The following SLC9C1 variants were observed in gnomAD, a reference collection of about 807,000 sequenced individuals.
SLC9C1 encodes sodium/hydrogen exchanger 10.
Under a neutral mutation model 140.9 loss-of-function variants are expected in SLC9C1, and 97 were observed. The observed-to-expected ratio is 0.69, with a 90% CI of 0.58 to 0.82. SLC9C1 has a LOEUF of 0.82. Ranked by LOEUF, SLC9C1 falls within the 40% of genes least tolerant of loss-of-function variation. The pLI is 0.00. For missense variants in SLC9C1, 1,340 were observed against 1,389.3 expected (o/e 0.96, Z 0.56); for synonymous variants, 440 against 442.6 (o/e 0.99, Z 0.07).
At chr3:112,220,993 T>G in intron 14 of SLC9C1, 135 bp downstream of exon 14, 1 of 611,772 alleles carries the variant, frequency 1.6e-6, no homozygotes, top group Non-Finnish European at 2.7e-6. Context: ...AGCAGACAGC[T>G]CTGCTGTAAT....
intron 28 of SLC9C1, chr3:112,151,527 A>G (rs1455701316): frequency 1.9e-6 from 1 of 523,414 alleles, no homozygotes; most frequent in Admixed American, 1.9e-5. Context: ...GTCATAACTT[A>G]TCTTTTTATA....
chr3:112,186,060 T>C, intron 20 of SLC9C1: 1 of 1,168,666 alleles, frequency 8.6e-7, no homozygotes, highest in Non-Finnish European at 1.2e-6. Context: ...CACAGTGCAC[T>C]TTCAAATCTT....
intron 3 of SLC9C1, among the ~76,000 whole-genome samples, chr3:112,279,848 T>C (rs1420914713): frequency 2.0e-5 from 3 of 152,200 alleles, no homozygotes; most frequent in Non-Finnish European, 4.4e-5. Flanking sequence ...TTTTCTCTGG[T>C]CCAGGAGTCC....
intron 13 of SLC9C1, among the ~76,000 whole-genome samples, chr3:112,228,853 A>C (rs1308282908): frequency 6.6e-6 from 1 of 152,138 alleles, no homozygotes; most frequent in South Asian, 2.1e-4. Flanking sequence ...CCCTGGCTAG[A>C]ATACAATGTT....
At chr3:112,287,900 G>A (rs11929523) in intron 1 of SLC9C1, among the ~76,000 whole-genome samples, 13,079 of 151,904 alleles carry the variant, frequency 0.086, 656 homozygotes, top group East Asian at 0.21. Context: ...AAAATTAGCC[G>A]GGCATGGTGG....
At chr3:112,206,408 T>C (rs913313614) in intron 16 of SLC9C1, among the ~76,000 whole-genome samples, 2 of 152,136 alleles carry the variant, frequency 1.3e-5, no homozygotes, top group Non-Finnish European at 2.9e-5. Flanking sequence ...GAGTAGAAAC[T>C]AGTTCAACCA....
At chr3:112,269,749 A>G (rs2080020110) in intron 7 of SLC9C1, among the ~76,000 whole-genome samples, 167 bp downstream of exon 7, 1 of 152,068 alleles carries the variant, frequency 6.6e-6, no homozygotes, top group Admixed American at 6.6e-5. Flanking sequence ...TTTCTGTTGT[A>G]TAGATATTCA....
intron 15 of SLC9C1, among the ~76,000 whole-genome samples, chr3:112,217,071 T>G (rs1165429674): frequency 1.3e-5 from 2 of 152,262 alleles, no homozygotes; most frequent in Non-Finnish European, 1.5e-5. Flanking sequence ...TGGATGAAGC[T>G]GGAAACCATC....
At chr3:112,146,926 A>G (rs1358255289) in intron 28 of SLC9C1, among the ~76,000 whole-genome samples, 1 of 152,168 alleles carries the variant, frequency 6.6e-6, no homozygotes, top group African/African-American at 2.4e-5. Flanking sequence ...TTGTATGACT[A>G]TCTAAGCCTT....
Position 112,244,041 on chromosome 3 carries a change from G to C in SLC9C1, c.1233C>G (p.Thr411=). The C allele has an allele frequency of 6.2e-7, 1 of 1,604,422 alleles. No homozygotes were observed. The highest frequency in any genetic ancestry group is 8.5e-7 in the Non-Finnish European group (1 of 1,174,690). The part of the protein sequence containing the change: ...LFHGVLVCLI[T]LVVNRFILPV... ...GCAAAATAAATCTATTGACAACAAG[G>C]GTTATTAGGCATACTAACACTCCAT... is the stretch of plus-strand genomic sequence containing the variant. The change falls in exon 11 of 29, where the codon ACC becomes ACG. Residue 411 remains threonine, a synonymous_variant. Transcript: ENST00000305815.
intron 10 of SLC9C1, among the ~76,000 whole-genome samples, chr3:112,257,146 G>C (rs1054965024): frequency 6.6e-6 from 1 of 152,016 alleles, no homozygotes; most frequent in Non-Finnish European, 1.5e-5. Context: ...TTTACAAATT[G>C]AATGCTATTC....
At chr3:112,180,439 C>A (rs1004295764) in intron 22 of SLC9C1, 125 bp downstream of exon 22, 9 of 624,852 alleles carry the variant, frequency 1.4e-5, no homozygotes, top group Non-Finnish European at 2.4e-5. Flanking sequence ...AGGAGTATCA[C>A]TTGAACCCAG....
At chr3:112,157,005 G>A (rs998829182) in intron 26 of SLC9C1, among the ~76,000 whole-genome samples, 23 of 151,954 alleles carry the variant, frequency 1.5e-4, no homozygotes, top group Non-Finnish European at 2.4e-4. Context: ...TTCCTTTGTT[G>A]TGCAGAAGCT....
intron 11 of SLC9C1, among the ~76,000 whole-genome samples, chr3:112,242,057 GT>G (rs2079151328): frequency 6.6e-6 from 1 of 151,970 alleles, no homozygotes; most frequent in African/African-American, 2.4e-5. Flanking sequence ...TTTTGGCTAA[GT>G]CCCCAAAAAA....
chr3:112,284,460 G>A (rs139439621), intron 2 of SLC9C1, among the ~76,000 whole-genome samples: 55 of 152,322 alleles, frequency 3.6e-4, no homozygotes, highest in African/African-American at 1.2e-3. Flanking sequence ...AAGTCGGCAT[G>A]AATTGATGTT....
At position 112,143,265 on chromosome 3, in the gene SLC9C1, C is replaced by A. The variant is rs186969049; in HGVS notation, c.3525-1984G>T. ...TATATATATATATCTCCAGTAATGCCATTGCTGCATCAAATGGTAGTTCTG... is the reference window on the plus strand; with the variant it reads ...TATATATATATATCTCCAGTAATGCAATTGCTGCATCAAATGGTAGTTCTG... On this transcript the variant is annotated intron_variant, in intron 28 of 28. Transcript: ENST00000305815. Among the ~76,000 whole-genome samples, 980 of 151,974 alleles carry A rather than the reference C, an allele frequency of 6.4e-3. 8 individuals are homozygous for A. The highest frequency in any genetic ancestry group is 0.01 in the Middle Eastern group (3 of 294).
intron 7 of SLC9C1, among the ~76,000 whole-genome samples, chr3:112,268,767 A>C (rs890481846): frequency 3.3e-5 from 5 of 152,236 alleles, no homozygotes; most frequent in African/African-American, 1.2e-4. Context: ...AATTATTTTA[A>C]ATCATGGATG....
At chr3:112,145,142 G>A (rs2074748174) in intron 28 of SLC9C1, among the ~76,000 whole-genome samples, 1 of 152,212 alleles carries the variant, frequency 6.6e-6, no homozygotes, top group Admixed American at 6.5e-5. Flanking sequence ...TCAGTGCCTA[G>A]TCTGTTGAGG....
intron 1 of SLC9C1, among the ~76,000 whole-genome samples, chr3:112,291,888 C>A (rs572485440): frequency 9.2e-5 from 14 of 152,300 alleles, no homozygotes; most frequent in African/African-American, 3.4e-4. Context: ...CAATGGTAGA[C>A]TAGATAAACT....
Sources: gnomAD v4.1 joint callset for allele counts (sites outside exome capture counted in the v4.1 genomes callset) on GRCh38, gnomAD v4.1.1 for gene constraint, MANE v1.5 for transcripts, NCBI Gene and HGNC (gene_info 2026-07-23, HGNC 2026-07-21) for gene names.